CACNA2D3: variants seen among roughly 807,000 people sequenced by gnomAD.
The protein encoded by CACNA2D3 is voltage-dependent calcium channel subunit alpha-2/delta-3.
Under a neutral mutation model 160.6 loss-of-function variants are expected in CACNA2D3, and 60 were observed. The ratio of observed to expected loss-of-function variants is 0.37; its 90% CI spans 0.30 to 0.46. The LOEUF is 0.46. Ranked by LOEUF, CACNA2D3 falls within the 20% of genes least tolerant of loss-of-function variation. The pLI, the probability that CACNA2D3 is intolerant of heterozygous loss-of-function variation, is 1.00. For missense variants in CACNA2D3, 1,205 were observed against 1,365.0 expected, an observed-to-expected ratio of 0.88 and a Z score of 1.85; for synonymous variants, 558 against 492.9, an observed-to-expected ratio of 1.13 and a Z score of -1.75.
Position 55,004,831 on chromosome 3 carries a change from T to C in CACNA2D3, c.2759T>C (p.Leu920Pro), listed in dbSNP as rs376659476. The change falls in exon 32 of 38, where the codon CTC becomes CCC. Residue 920 changes from leucine to proline, a missense_variant. Transcript: ENST00000474759. ...GAAAGCAGCGATGGCGCCCATGGCCTCCTGGATGTAAGTACTATGCTGTCA... is the reference window on the plus strand; with the variant it reads ...GAAAGCAGCGATGGCGCCCATGGCCCCCTGGATGTAAGTACTATGCTGTCA... ...NKESSDGAHG[L>P]LDPYNAFLSA... 1 of 1,612,246 alleles carries C rather than the reference T, an allele frequency of 6.2e-7. No individual in the cohort carries two copies. The highest frequency in any genetic ancestry group is 2.2e-5 in the East Asian group (1 of 44,854).
intron 17 of CACNA2D3, among the ~76,000 whole-genome samples, chr3:54,863,719 T>C (rs983653607): frequency 6.6e-6 from 1 of 151,536 alleles, no homozygotes; most frequent in Non-Finnish European, 1.5e-5. Flanking sequence ...TGTTGTTTTT[T>C]TTTAAAAAAA....
At chr3:54,872,389 T>C (rs1699555836) in intron 18 of CACNA2D3, among the ~76,000 whole-genome samples, 2 of 152,110 alleles carry the variant, frequency 1.3e-5, no homozygotes, top group South Asian at 4.1e-4. Flanking sequence ...TACTCTTCCC[T>C]TTTTCTAAGA....
chr3:55,000,843 C>T (rs1276994522), intron 31 of CACNA2D3, among the ~76,000 whole-genome samples: 2 of 152,042 alleles, frequency 1.3e-5, no homozygotes, highest in African/African-American at 4.8e-5. Context: ...TGTGACATTC[C>T]AATAAGACCC....
chr3:54,357,139 C>T (rs933857765), intron 3 of CACNA2D3, among the ~76,000 whole-genome samples: 3 of 152,178 alleles, frequency 2.0e-5, no homozygotes, highest in African/African-American at 2.4e-5. Context: ...ACACTGTGAG[C>T]TCTGCGAATT....
chr3:54,764,021 C>T (rs182188446), intron 12 of CACNA2D3, among the ~76,000 whole-genome samples, 197 bp from the exon 13 acceptor site: 6 of 150,718 alleles, frequency 4.0e-5, no homozygotes, highest in Non-Finnish European at 8.9e-5. Context: ...TATTTTCTAA[C>T]ATGAACTTAT....
At chr3:54,816,520 T>C (rs1258898372) in intron 13 of CACNA2D3, among the ~76,000 whole-genome samples, 1 of 152,154 alleles carries the variant, frequency 6.6e-6, no homozygotes, top group Non-Finnish European at 1.5e-5. Flanking sequence ...AAGAAGGAAC[T>C]GGGTCATGGA....
intron 13 of CACNA2D3, among the ~76,000 whole-genome samples, chr3:54,785,666 A>G (rs1291777976): frequency 2.0e-5 from 3 of 152,168 alleles, no homozygotes; most frequent in Non-Finnish European, 2.9e-5. Context: ...CCTGCATGAC[A>G]TGTCTTATTG....
At chr3:54,877,173 A>C (rs952692462) in intron 18 of CACNA2D3, 2 of 152,210 alleles carry the variant, frequency 1.3e-5, no homozygotes, top group Non-Finnish European at 2.9e-5. Flanking sequence ...GGAGATAGAG[A>C]GGGGCTCATC....
At chr3:54,979,864 G>C (rs1702469623) in intron 29 of CACNA2D3, among the ~76,000 whole-genome samples, 2 of 152,150 alleles carry the variant, frequency 1.3e-5, no homozygotes, top group African/African-American at 4.8e-5. Flanking sequence ...GTTGTCTGTG[G>C]ATGATAAAAA....
chr3:54,766,143 A>C (rs553440624), intron 13 of CACNA2D3, among the ~76,000 whole-genome samples: 10 of 152,300 alleles, frequency 6.6e-5, no homozygotes, highest in African/African-American at 9.6e-5. Flanking sequence ...TCAACAACAA[A>C]AAAAAACTTT....
chr3:54,363,441 T>G (rs948041212), intron 3 of CACNA2D3, among the ~76,000 whole-genome samples: 2 of 152,102 alleles, frequency 1.3e-5, no homozygotes, highest in Non-Finnish European at 2.9e-5. Flanking sequence ...CTGGGGAATA[T>G]TAGAATATTG....
intron 11 of CACNA2D3, among the ~76,000 whole-genome samples, chr3:54,669,402 T>C (rs1180881090): frequency 6.6e-6 from 1 of 152,218 alleles, no homozygotes; most frequent in Admixed American, 6.5e-5. Context: ...TAATACCTAA[T>C]ATCGAGTCAG....
intron 4 of CACNA2D3, among the ~76,000 whole-genome samples, chr3:54,440,503 T>C (rs1700127047): frequency 6.6e-6 from 1 of 152,220 alleles, no homozygotes; most frequent in Non-Finnish European, 1.5e-5. Context: ...ATTTTTATTA[T>C]ACTTTAAGTT....
chr3:54,833,381 T>C (rs988016473), intron 14 of CACNA2D3, among the ~76,000 whole-genome samples: 7 of 152,166 alleles, frequency 4.6e-5, no homozygotes, highest in African/African-American at 1.7e-4. Flanking sequence ...GACCCCCACC[T>C]CCTGCTCCTA....
At position 54,856,144 on chromosome 3, in the gene CACNA2D3, G is replaced by A. The variant is rs774445047; in HGVS notation, c.1626+9677G>A. Among the ~76,000 whole-genome samples the A allele has an allele frequency of 3.7e-4, 57 of 152,308 alleles. 1 individual carries two copies. Among genetic ancestry groups the A allele is most frequent in the Admixed American group, 1.0e-3 (16 of 15,302 alleles). ...TATCCAGGGCCTGGTGAGGTACTTG[G>A]CAAAGGAGGTGGAATGACAAATAAA... is the stretch of plus-strand genomic sequence containing the variant. On this transcript the variant is annotated intron_variant, in intron 17 of 37. Transcript: ENST00000474759.
intron 3 of CACNA2D3, among the ~76,000 whole-genome samples, chr3:54,338,353 G>C (rs1172796654): frequency 2.0e-5 from 3 of 152,146 alleles, no homozygotes; most frequent in Admixed American, 6.5e-5. Flanking sequence ...TCTGAACCAG[G>C]CAGGTTGTGA....
At chr3:54,976,687 T>C (rs1195194251) in intron 29 of CACNA2D3, among the ~76,000 whole-genome samples, 1 of 152,212 alleles carries the variant, frequency 6.6e-6, no homozygotes, top group Non-Finnish European at 1.5e-5. Flanking sequence ...GTGATAGTTT[T>C]CATCTGGTAT....
chr3:54,126,258 G>A (rs1219001426), intron 2 of CACNA2D3, among the ~76,000 whole-genome samples: 1 of 152,176 alleles, frequency 6.6e-6, no homozygotes, highest in Non-Finnish European at 1.5e-5. Context: ...ATGAATATAA[G>A]TTAAATAATA....
At chr3:54,212,966 A>G (rs1300857110) in intron 2 of CACNA2D3, among the ~76,000 whole-genome samples, 3 of 152,086 alleles carry the variant, frequency 2.0e-5, no homozygotes, top group Admixed American at 6.5e-5. Context: ...GCCCTTCTCT[A>G]TATGTGAGCT....
Sources: gnomAD v4.1 joint callset for allele counts (sites outside exome capture counted in the v4.1 genomes callset) on GRCh38, gnomAD v4.1.1 for gene constraint, MANE v1.5 for transcripts, NCBI Gene and HGNC (gene_info 2026-07-23, HGNC 2026-07-21) for gene names.